ZNF516: variants seen among roughly 807,000 people sequenced by gnomAD.
ZNF516 encodes zinc finger protein 516.
Under a neutral mutation model 79.7 loss-of-function variants are expected in ZNF516, and 19 were observed. The observed-to-expected ratio is 0.24, with a 90% CI of 0.17 to 0.35. The LOEUF (loss-of-function observed/expected upper bound fraction) is 0.35, where lower values mean the gene tolerates loss of function less well. Among genes scored for constraint, ZNF516 ranks in the 10% least tolerant of loss-of-function variants. The pLI is 1.00. For synonymous variants in ZNF516, 877 were observed against 739.5 expected (o/e 1.19, Z -3.02); for missense variants, 1,678 against 1,679.5 (o/e 1.00, Z 0.02).
chr18:76,404,730 G>A lies in ZNF516; in HGVS notation c.1811-24427C>T, dbSNP rs985493920. 3.9e-4 allele frequency among the ~76,000 whole-genome samples: 9 copies of A among 23,016 alleles called. No homozygotes were observed. In the South Asian group the frequency reaches 0.01, roughly 26 times the overall value. The allele number at this position is 23,016 out of a possible 152,430, so 15.1% of individuals were successfully genotyped here. On this transcript the variant is annotated intron_variant, in intron 3 of 6. Transcript: ENST00000443185. ...GCATATGCACGTGTGCATGTGATCA[G>A]CATGTGCGTTGTGTGTGCATGAGCA...
intron 3 of ZNF516, among the ~76,000 whole-genome samples, chr18:76,401,843 CA>C (rs1424637663): frequency 5.6e-4 from 84 of 148,840 alleles, no homozygotes; most frequent in Non-Finnish European, 8.4e-4. Context: ...ATCTCTCCAC[CA>C]ACCACACCCC....
intron 1 of ZNF516, chr18:76,490,305 C>A: frequency 1.9e-6 from 1 of 518,474 alleles, no homozygotes; most frequent in Non-Finnish European, 2.5e-6. Context: ...GCGAGGGGTT[C>A]TCAGACCCAT....
intron 1 of ZNF516, among the ~76,000 whole-genome samples, chr18:76,465,886 G>C (rs1395153898): frequency 6.6e-6 from 1 of 152,164 alleles, no homozygotes; most frequent in African/African-American, 2.4e-5. Context: ...TTGGGAGAAG[G>C]ACCCGAGCGC....
rs1195215096 is a variant in ZNF516 at position 76,451,447 on chromosome 18, G to A, written c.-157-8236C>T. ...TGAACGGGAGGAATTGGGGAGGGAG[G>A]GAAAACGCCAAAAAGCTCAAAGCAG... On this transcript the variant is annotated intron_variant, in intron 2 of 6. Coordinates refer to ENST00000443185, the MANE Select transcript of ZNF516 (RefSeq NM_014643.4). The surrounding 1 kb of genome is among the most constrained non-coding windows in gnomAD (Gnocchi z 6.0). Among the ~76,000 whole-genome samples the A allele has an allele frequency of 1.3e-5, 2 of 152,166 alleles. No individual in the cohort carries two copies. Among genetic ancestry groups the A allele is most frequent in the African/African-American group, 4.8e-5 (2 of 41,442 alleles).
intron 1 of ZNF516, among the ~76,000 whole-genome samples, chr18:76,486,579 A>G (rs1467428061): frequency 6.6e-6 from 1 of 151,920 alleles, no homozygotes; most frequent in East Asian, 1.9e-4. Flanking sequence ...TACGCACACC[A>G]TCTCCTAAAA....
intron 3 of ZNF516, among the ~76,000 whole-genome samples, chr18:76,423,696 G>C (rs558137275): frequency 1.7e-4 from 24 of 138,990 alleles, no homozygotes; most frequent in African/African-American, 6.0e-4. Context: ...AGGTGAAAAG[G>C]CTCCCCCGAA....
chr18:76,475,803 TA>T (rs1009511676), intron 1 of ZNF516, among the ~76,000 whole-genome samples: 3 of 151,396 alleles, frequency 2.0e-5, no homozygotes, highest in Non-Finnish European at 2.9e-5. Context: ...TACGCAAAAT[TA>T]AAAAAAAATT....
chr18:76,378,962 T>A lies in ZNF516; in HGVS notation c.3152A>T (p.His1051Leu). 1.2e-6 allele frequency: 2 copies of A among 1,613,720 alleles called. No individual in the cohort carries two copies. Among genetic ancestry groups the A allele is most frequent in the South Asian group, 2.2e-5 (2 of 91,084 alleles). Reference protein sequence around the residue: ...SIKQEPVAEGHEKRLDILNIF... With the variant: ...SIKQEPVAEGLEKRLDILNIF... The stretch of plus-strand genomic sequence containing the variant: ...GTTGAGGATGTCCAGGCGCTTCTCA[T>A]GCCCCTCGGCCACCGGCTCCTGTTT... The change falls in exon 4 of 7, where the codon CAT (histidine) becomes CTT (leucine). Residue 1051 changes from histidine to leucine, a missense_variant. By Grantham distance (99) the His-to-Leu change is moderately conservative (BLOSUM62 -3). This residue lies in a region of ZNF516 where 1,294 missense variants were observed against 1,248.3 expected (regional missense o/e 1.04). Coordinates refer to ENST00000443185, the MANE Select transcript of ZNF516 (RefSeq NM_014643.4).
chr18:76,428,321 A>T (rs2075620563), intron 3 of ZNF516, among the ~76,000 whole-genome samples: 1 of 151,748 alleles, frequency 6.6e-6, no homozygotes, highest in Admixed American at 6.6e-5. Context: ...TGAACCTGAC[A>T]GACAGAGGTT....
intron 3 of ZNF516, among the ~76,000 whole-genome samples, chr18:76,423,005 G>A (rs1480355030): frequency 6.6e-6 from 1 of 152,130 alleles, no homozygotes; most frequent in East Asian, 1.9e-4. Context: ...TAATGCGTCT[G>A]GCCACCTGGA....
chr18:76,488,027 T>C, intron 1 of ZNF516: 1 of 985,384 alleles, frequency 1.0e-6, no homozygotes, highest in African/African-American at 1.7e-5. Context: ...TAATCACTGC[T>C]GCACAAACAG....
chr18:76,490,938 A>C (rs1428749842), intron 1 of ZNF516: 1 of 985,222 alleles, frequency 1.0e-6, no homozygotes, highest in Non-Finnish European at 1.2e-6. Context: ...CCGCGGAGAC[A>C]CTGTGAGGTC....
chr18:76,459,513 C>T lies in ZNF516; in HGVS notation c.-158+3515G>A, dbSNP rs1041860759. Among the ~76,000 whole-genome samples, 1 of 152,234 alleles carries T rather than the reference C, an allele frequency of 6.6e-6. No homozygotes were observed. The highest frequency in any genetic ancestry group is 1.5e-5 in the Non-Finnish European group (1 of 68,044). ...TTTGTGCCATTCAGGACGTGGCGGCCGTGTGCACCCCATCGGGCACCGCGT... is the reference window on the plus strand; with the variant it reads ...TTTGTGCCATTCAGGACGTGGCGGCTGTGTGCACCCCATCGGGCACCGCGT... On this transcript the variant is annotated intron_variant, in intron 2 of 6. Transcript: ENST00000443185. This position sits in a 1 kb window ranked among gnomAD's most constrained non-coding sequence, Gnocchi z 5.0.
At chr18:76,364,303 GTTA>G (rs1206568255) in intron 6 of ZNF516, among the ~76,000 whole-genome samples, 1 of 152,162 alleles carries the variant, frequency 6.6e-6, no homozygotes, top group Non-Finnish European at 1.5e-5. Flanking sequence ...AGGCCACCAT[GTTA>G]TTATTCAATA....
chr18:76,404,997 C>G (rs1473421050), intron 3 of ZNF516, among the ~76,000 whole-genome samples: 1 of 152,114 alleles, frequency 6.6e-6, no homozygotes. Flanking sequence ...ATGCAGCAAC[C>G]CAGGTATAAG....
intron 2 of ZNF516, among the ~76,000 whole-genome samples, chr18:76,458,697 T>TGTGCGTGCCCCACCGTCGTGC (rs1912895323): frequency 6.9e-6 from 1 of 144,128 alleles, no homozygotes; most frequent in African/African-American, 2.6e-5. Flanking sequence ...CACCGTCGTG[T>TGTGCGTGCCCCACCGTCGTGC]GTGCGTGCCT....
chr18:76,493,094 TC>T lies in ZNF516; in HGVS notation c.-272+2049del. 1.0e-6 allele frequency: 1 copy of T among 980,438 alleles called. No homozygotes were observed. Among genetic ancestry groups the T allele is most frequent in the Non-Finnish European group, 1.2e-6 (1 of 828,856 alleles). 60.7% of individuals were successfully genotyped at this position (980,438 alleles called of 1,614,324 possible). A position where few individuals can be genotyped will look rare whatever the true frequency, so the allele number is the denominator to read the frequency against. On this transcript the variant is annotated intron_variant, in intron 1 of 6. Coordinates refer to ENST00000443185, the MANE Select transcript of ZNF516 (RefSeq NM_014643.4). The surrounding 1 kb of genome is among the most constrained non-coding windows in gnomAD (Gnocchi z 5.2). ...GGCAGGGAGACTTCGCAAAGCTGTT[TC>T]CTTTTTTTTTTTTCCTCCTCTCCTC...
chr18:76,441,373 T>C lies in ZNF516; in HGVS notation c.1682A>G (p.Glu561Gly), dbSNP rs999884730. 6.2e-7 allele frequency: 1 copy of C among 1,610,886 alleles called. No individual in the cohort carries two copies. Among genetic ancestry groups the C allele is most frequent in the Non-Finnish European group, 8.5e-7 (1 of 1,179,124 alleles). ...GCTGGGCTGGGAGGCCGAGTCACCCTCACTGAGTGATCCGCAGCGGGCCCG... is the reference window on the plus strand; with the variant it reads ...GCTGGGCTGGGAGGCCGAGTCACCCCCACTGAGTGATCCGCAGCGGGCCCG... ...AARARCGSLS[E>G]GDSASQPSSP... is the part of the protein sequence containing the mutation. The change falls in exon 3 of 7, where the codon GAG becomes GGG. Residue 561 changes from glutamate (E) to glycine (G), a missense_variant. By Grantham distance (98) the Glu-to-Gly change is moderately conservative. This residue lies in a region of ZNF516 where 1,294 missense variants were observed against 1,248.3 expected (regional missense o/e 1.04). Transcript: ENST00000443185.
At position 76,379,715 on chromosome 18, in the gene ZNF516, T is replaced by C. The variant is rs749481588; in HGVS notation, c.2399A>G (p.Tyr800Cys). The change falls in exon 4 of 7, where the codon TAC becomes TGC. Residue 800 changes from tyrosine (Y) to cysteine (C), a missense_variant. Transcript: ENST00000443185. ...VAPPWIQPNG[Y>C]KSIRSNLVFL... ...AACCAAATTGCTTCTGATGCTTTTGTAACCATTGGGCTGAATCCACGGGGG... is the reference window on the plus strand; with the variant it reads ...AACCAAATTGCTTCTGATGCTTTTGCAACCATTGGGCTGAATCCACGGGGG... 21 of 1,613,720 alleles carry C rather than the reference T, an allele frequency of 1.3e-5. 1 individual carries two copies. In the Admixed American group the frequency reaches 1.3e-4, roughly 10 times the overall value.
Sources: gnomAD v4.1 joint callset for allele counts (sites outside exome capture counted in the v4.1 genomes callset) on GRCh38, gnomAD v4.1.1 for gene constraint, gnomAD v4.1.1 regional missense constraint, Gnocchi (gnomAD v3.1) non-coding constraint, MANE v1.5 for transcripts, NCBI Gene and HGNC (gene_info 2026-07-23, HGNC 2026-07-21) for gene names.